Variants in SERPINE2 observed in about 807,000 individuals in gnomAD.
The protein encoded by SERPINE2 is serpin family E member 2, also known as glia-derived nexin.
Under a neutral mutation model 36.3 loss-of-function variants are expected in SERPINE2, and 14 were observed. That is an observed-to-expected ratio of 0.39 (90% CI 0.25 to 0.60). SERPINE2 has a LOEUF of 0.60. SERPINE2 is among the 20% of genes least tolerant of loss of function. SERPINE2 has a pLI of 0.57. For missense variants in SERPINE2, 418 were observed against 499.6 expected (o/e 0.84, Z 1.56); for synonymous variants, 192 against 191.8 (o/e 1.00, Z -0.01).
At chr2:224,035,508 G>T (rs939919961) in intron 1 of SERPINE2, among the ~76,000 whole-genome samples, 1 of 152,010 alleles carries the variant, frequency 6.6e-6, no homozygotes, top group Admixed American at 6.6e-5. Flanking sequence ...TCAGCCTCCC[G>T]AGTAGCTGGG....
intron 1 of SERPINE2, among the ~76,000 whole-genome samples, chr2:224,027,229 C>T (rs1022769341): frequency 4.6e-5 from 7 of 152,236 alleles, no homozygotes; most frequent in Admixed American, 1.3e-4. Context: ...CTCCCCTAAT[C>T]TCGCATAGGA....
intron 1 of SERPINE2, chr2:224,030,106 A>T: frequency 1.0e-6 from 1 of 985,430 alleles, no homozygotes; most frequent in Non-Finnish European, 1.2e-6. Context: ...TCTTGGTAAC[A>T]CTGCTGTTTA....
chr2:224,011,640 A>C lies in SERPINE2; in HGVS notation c.-22-9718T>G, dbSNP rs367827503. ...TTAAAAAATGAGTGTCAAGTGTTAG[A>C]AATGTAAATTGATTTTTTAAAAATC... On this transcript the variant is annotated intron_variant, in intron 1 of 8. Transcript: ENST00000409304. 3.3e-5 allele frequency among the ~76,000 whole-genome samples: 5 copies of C among 152,216 alleles called. No individual in the cohort carries two copies. In the East Asian group the frequency reaches 9.6e-4, roughly 29 times the overall value.
At chr2:223,988,139 G>A (rs1349315660) in intron 4 of SERPINE2, among the ~76,000 whole-genome samples, 1 of 152,144 alleles carries the variant, frequency 6.6e-6, no homozygotes, top group Non-Finnish European at 1.5e-5. Context: ...GCTAAGGAAC[G>A]ATGGGTTGAG....
At chr2:223,975,964 T>C (rs1390912541) in intron 8 of SERPINE2, 60 bp from the exon 9 acceptor site, 3 of 1,458,058 alleles carry the variant, frequency 2.1e-6, no homozygotes, top group Non-Finnish European at 1.9e-6. Context: ...TAAAATAAGA[T>C]GGAAGGTATT....
intron 1 of SERPINE2, among the ~76,000 whole-genome samples, chr2:224,037,284 C>T (rs1260369808): frequency 6.6e-6 from 1 of 152,148 alleles, no homozygotes; most frequent in African/African-American, 2.4e-5. Flanking sequence ...GAATGGGCTA[C>T]AAAGTCACCT....
At chr2:224,037,013 C>A (rs945877969) in intron 1 of SERPINE2, among the ~76,000 whole-genome samples, 24 of 152,258 alleles carry the variant, frequency 1.6e-4, no homozygotes, top group African/African-American at 5.8e-4. Flanking sequence ...CTTGATTTTT[C>A]TTTATAATTC....
intron 1 of SERPINE2, among the ~76,000 whole-genome samples, chr2:224,002,658 A>T (rs1427660876): frequency 4.3e-5 from 5 of 116,532 alleles, no homozygotes; most frequent in African/African-American, 9.9e-5. Context: ...TCGTCTGGCA[A>T]TTTTTTTTTT....
chr2:223,995,006 T>A (rs1690822309), intron 3 of SERPINE2, among the ~76,000 whole-genome samples: 1 of 152,148 alleles, frequency 6.6e-6, no homozygotes, highest in South Asian at 2.1e-4. Context: ...TGCCTGCCAC[T>A]CATGGTATGG....
intron 1 of SERPINE2, among the ~76,000 whole-genome samples, chr2:224,014,383 GAAAAAGAA>G (rs1175908995): frequency 6.6e-6 from 1 of 151,684 alleles, no homozygotes; most frequent in Non-Finnish European, 1.5e-5. Flanking sequence ...CAAAAAAAAA[GAAAAAGAA>G]AAAAAGAAAA....
rs1006042905 is a variant in SERPINE2, at chr2:223,982,800, T to G, written c.885-19A>C. 6.3e-7 allele frequency: 1 copy of G among 1,580,334 alleles called. No homozygotes were observed. The highest frequency in any genetic ancestry group is 8.6e-7 in the Non-Finnish European group (1 of 1,158,388). On this transcript the variant is annotated intron_variant, in intron 5 of 8. Coordinates refer to ENST00000409304, the MANE Select transcript of SERPINE2 (RefSeq NM_001136528.2). The stretch of plus-strand genomic sequence containing the variant: ...TGTGAACCTAGCATGAAAGCAGAAA[T>G]GGAGAAAAAAAATCACGAGGCTATA...
chr2:223,988,977 A>G (rs1334797360), intron 4 of SERPINE2, among the ~76,000 whole-genome samples: 3 of 152,236 alleles, frequency 2.0e-5, no homozygotes, highest in African/African-American at 7.2e-5. Flanking sequence ...CATATTTTAC[A>G]TATACCTAGA....
intron 1 of SERPINE2, among the ~76,000 whole-genome samples, chr2:224,036,337 G>GA (rs112604964): frequency 0.013 from 1,793 of 134,036 alleles, 21 homozygotes; most frequent in African/African-American, 0.035. Flanking sequence ...ACCAGGGATG[G>GA]AAAAAAAAAA....
intron 1 of SERPINE2, among the ~76,000 whole-genome samples, chr2:224,018,381 G>C (rs1286933175): frequency 5.9e-5 from 9 of 152,310 alleles, no homozygotes; most frequent in Middle Eastern, 6.8e-3. Flanking sequence ...CATGATAGAA[G>C]TCTAGAGTTT....
chr2:224,000,065 T>A (rs1290356074), intron 2 of SERPINE2, among the ~76,000 whole-genome samples: 1 of 151,710 alleles, frequency 6.6e-6, no homozygotes, highest in Non-Finnish European at 1.5e-5. Flanking sequence ...CTGAGCAGAG[T>A]CGGAGGCGGG....
intron 5 of SERPINE2, among the ~76,000 whole-genome samples, chr2:223,983,377 C>T (rs7606306): frequency 0.26 from 40,271 of 152,036 alleles, 6,670 homozygotes; most frequent in South Asian, 0.41. Context: ...CCTCAGCCTC[C>T]CAAGTAGTTG....
chr2:224,001,306 G>A (rs567043123), intron 2 of SERPINE2, among the ~76,000 whole-genome samples: 2 of 152,134 alleles, frequency 1.3e-5, no homozygotes, highest in Non-Finnish European at 2.9e-5. Flanking sequence ...GCACATCTAC[G>A]ATCACAGCGC....
intron 1 of SERPINE2, among the ~76,000 whole-genome samples, chr2:224,033,001 C>G (rs142862547): frequency 6.6e-6 from 1 of 152,222 alleles, no homozygotes; most frequent in Non-Finnish European, 1.5e-5. Context: ...TGGTATTTCT[C>G]AAAAGAGAAA....
Position 224,038,676 on chromosome 2 carries a change from C to T in SERPINE2, c.-23+423G>A, listed in dbSNP as rs1692609601. The T allele has an allele frequency of 1.2e-5, 8 of 670,606 alleles. No homozygotes were observed. The South Asian group carries it at 1.2e-4, about 10-fold the overall frequency. The allele number at this position is 670,606 out of a possible 1,614,324, so 41.5% of individuals were successfully genotyped here. ...GCGCCAGTCTCTCCCCATCCGGCGG[C>T]GCGCAGCCTAAGTCCGGGGTAGGGG... On this transcript the variant is annotated intron_variant, in intron 1 of 8. Transcript: ENST00000409304.
Sources: allele counts gnomAD v4.1 joint callset (sites outside exome capture counted in the v4.1 genomes callset), GRCh38; gene constraint gnomAD v4.1.1; transcripts MANE v1.5; gene names NCBI Gene and HGNC (gene_info 2026-07-23, HGNC 2026-07-21).